AKNA: variants seen among roughly 807,000 people sequenced by gnomAD.
AKNA encodes microtubule organization protein AKNA.
A neutral mutation model predicts 138.8 loss-of-function variants in AKNA; 67 were observed. The ratio of observed to expected loss-of-function variants is 0.48; its 90% CI spans 0.40 to 0.59. AKNA has a LOEUF of 0.59. AKNA is among the 20% of genes least tolerant of loss of function. The pLI, the probability that AKNA is intolerant of heterozygous loss-of-function variation, is 0.00. For missense variants in AKNA, 1,813 were observed against 1,880.4 expected (o/e 0.96, Z 0.66); for synonymous variants, 737 against 754.4 (o/e 0.98, Z 0.38).
Position 114,381,112 on chromosome 9 carries a change from G to A in AKNA, c.222C>T (p.His74=). The A allele has an allele frequency of 6.2e-7, 1 of 1,611,056 alleles. No homozygotes were observed. The highest frequency in any genetic ancestry group is 8.5e-7 in the Non-Finnish European group (1 of 1,178,466). ...AATCCTGATGCCCATCGGGCTGCGGGTGTGGGTCCCACTCCAGGGGCGGCA... is the reference window on the plus strand; with the variant it reads ...AATCCTGATGCCCATCGGGCTGCGGATGTGGGTCCCACTCCAGGGGCGGCA... ...QHLPPLEWDP[H]PQPDGHQDSE... is the part of the protein sequence containing the mutation. The change falls in exon 2 of 22, where the codon CAC becomes CAT. Residue 74 remains histidine (H), a synonymous_variant. Coordinates refer to ENST00000374088, the MANE Select transcript of AKNA (RefSeq NM_001317950.2).
At position 114,346,886 on chromosome 9, in the gene AKNA, T is replaced by C. The variant is rs756154870; in HGVS notation, c.3399-102A>G. 209 of 969,630 alleles carry C rather than the reference T, an allele frequency of 2.2e-4. 1 individual carries two copies. Among genetic ancestry groups the C allele is most frequent in the Non-Finnish European group, 3.8e-5 (24 of 639,620 alleles). 60.1% of individuals were successfully genotyped at this position (969,630 alleles called of 1,614,324 possible). ...ACCTGGAGAAATGCTTCTAACACGA[T>C]GGAAGGAAGAGAGTATAGAAGTCAA... On this transcript the variant is annotated intron_variant, in intron 16 of 21. Coordinates refer to ENST00000374088, the MANE Select transcript of AKNA (RefSeq NM_001317950.2).
In AKNA at chr9:114,377,011, A is replaced by G; in HGVS notation, c.796T>C (p.Ser266Pro). ...RATPMEFQDS[S>P]APPAQSPQHA... is the part of the protein sequence containing the mutation. ...TGCGGACTCTGGGCTGGGGGAGCTG[A>G]GGAGTCCTGGAATTCCATGGGGGTT... The change falls in exon 3 of 22, where the codon TCA becomes CCA. Residue 266 changes from serine to proline, a missense_variant. Physicochemically the swap from Ser to Pro is moderately conservative, Grantham distance 74 (BLOSUM62 -1). Coordinates refer to ENST00000374088, the MANE Select transcript of AKNA (RefSeq NM_001317950.2). 6.2e-7 allele frequency: 1 copy of G among 1,613,932 alleles called. No individual in the cohort carries two copies.
At chr9:114,348,021 T>G in intron 15 of AKNA, 121 bp from the exon 16 acceptor site, 1 of 1,109,602 alleles carries the variant, frequency 9.0e-7, no homozygotes. Flanking sequence ...GGTCTATCTC[T>G]GCTGTCAAAC....
intron 20 of AKNA, 38 bp from the exon 21 acceptor site, chr9:114,341,763 AC>A: frequency 6.5e-7 from 1 of 1,528,746 alleles, no homozygotes; most frequent in Non-Finnish European, 8.8e-7. Context: ...ACAGAGTCTG[AC>A]CACTTGGCAG....
intron 4 of AKNA, among the ~76,000 whole-genome samples, chr9:114,371,419 TTATTAC>T (rs776729542): frequency 5.3e-5 from 8 of 152,262 alleles, no homozygotes; most frequent in Non-Finnish European, 8.8e-5. Context: ...ATGACCATTC[TTATTAC>T]TATAACAGTC....
intron 1 of AKNA, among the ~76,000 whole-genome samples, chr9:114,393,384 T>C (rs1834422215): frequency 1.1e-5 from 1 of 92,708 alleles, no homozygotes; most frequent in Non-Finnish European, 2.6e-5. Flanking sequence ...CCCAGCTAAT[T>C]TTTTTTTTTT....
chr9:114,354,660 C>G (rs1178235463), intron 14 of AKNA, among the ~76,000 whole-genome samples: 1 of 149,226 alleles, frequency 6.7e-6, no homozygotes, highest in African/African-American at 2.5e-5. Flanking sequence ...TTGCAGTGAG[C>G]CGAGATTGTG....
chr9:114,388,983 C>T (rs1254544655), upstream of AKNA, among the ~76,000 whole-genome samples: 1 of 152,058 alleles, frequency 6.6e-6, no homozygotes, highest in Non-Finnish European at 1.5e-5. Context: ...GGTGACTGGC[C>T]CTGGTAGAGA....
chr9:114,381,639 CCT>C (rs202125014), intron 1 of AKNA, among the ~76,000 whole-genome samples, 193 bp from the exon 2 acceptor site: 3 of 149,002 alleles, frequency 2.0e-5, no homozygotes, highest in South Asian at 4.2e-4. Context: ...GATAATAATT[CCT>C]CTCTCTCTCC....
intron 13 of AKNA, 116 bp from the exon 14 acceptor site, chr9:114,356,252 G>A: frequency 1.1e-6 from 1 of 929,454 alleles, no homozygotes; most frequent in South Asian, 1.7e-5. Flanking sequence ...TTGTAACTTT[G>A]CATCTCGGGT....
Position 114,337,043 on chromosome 9 carries a change from C to T in AKNA, c.*11G>A, listed in dbSNP as rs1356149024. 7.9e-7 allele frequency: 1 copy of T among 1,269,764 alleles called. No homozygotes were observed. The highest frequency in any genetic ancestry group is 1.6e-5 in the African/African-American group (1 of 63,826). The allele number at this position is 1,269,764 out of a possible 1,614,324, so 78.7% of individuals were successfully genotyped here. A position where few individuals can be genotyped will look rare whatever the true frequency, so the allele number is the denominator to read the frequency against. On this transcript the variant is annotated 3_prime_UTR_variant, in exon 22 of 22. Coordinates refer to ENST00000374088, the MANE Select transcript of AKNA (RefSeq NM_001317950.2). ...CCCACCCACCCATCTGCCTCTGGGCCCCCAGTGAAGTCAGAAGAGGCAGGA... is the reference window on the plus strand; with the variant it reads ...CCCACCCACCCATCTGCCTCTGGGCTCCCAGTGAAGTCAGAAGAGGCAGGA...
intron 1 of AKNA, among the ~76,000 whole-genome samples, chr9:114,382,335 A>G (rs1231452608): frequency 6.6e-6 from 1 of 152,186 alleles, no homozygotes. Context: ...TCACGCCTAT[A>G]ATCCCAGCAC....
intron 2 of AKNA, among the ~76,000 whole-genome samples, chr9:114,378,184 G>A (rs996270095): frequency 1.3e-5 from 2 of 152,088 alleles, no homozygotes; most frequent in African/African-American, 2.4e-5. Flanking sequence ...TGCACACAAC[G>A]CTCCTCCCAC....
At chr9:114,383,650 C>T (rs768892294) in intron 1 of AKNA, among the ~76,000 whole-genome samples, 5 of 152,218 alleles carry the variant, frequency 3.3e-5, no homozygotes, top group African/African-American at 4.8e-5. Context: ...GGCAGTATGA[C>T]TCCAGGCCTC....
chr9:114,378,225 G>C (rs562358929), intron 2 of AKNA, among the ~76,000 whole-genome samples: 1 of 152,158 alleles, frequency 6.6e-6, no homozygotes, highest in Admixed American at 6.5e-5. Flanking sequence ...GCATCCCTCT[G>C]CCGAGGGATT....
At chr9:114,352,622 G>A (rs957247561) in intron 14 of AKNA, among the ~76,000 whole-genome samples, 4 of 148,810 alleles carry the variant, frequency 2.7e-5, no homozygotes, top group African/African-American at 9.9e-5. Flanking sequence ...AATTAAAAAC[G>A]TTTTTAAAAT....
At chr9:114,370,746 AT>A (rs1373494146) in intron 4 of AKNA, among the ~76,000 whole-genome samples, 5 of 152,158 alleles carry the variant, frequency 3.3e-5, no homozygotes, top group Admixed American at 6.5e-5. Context: ...GCACAGATGG[AT>A]TTCTCTCAGC....
At chr9:114,366,878 G>A (rs909744911) in intron 6 of AKNA, among the ~76,000 whole-genome samples, 1 of 152,146 alleles carries the variant, frequency 6.6e-6, no homozygotes, top group Non-Finnish European at 1.5e-5. Flanking sequence ...AGCTAAATGT[G>A]TGACTCTAAT....
intron 5 of AKNA, 81 bp from the exon 6 acceptor site, chr9:114,367,778 A>G: frequency 6.9e-7 from 1 of 1,442,544 alleles, no homozygotes; most frequent in Non-Finnish European, 9.3e-7. Flanking sequence ...CGTCAAAGCC[A>G]CCACCTCCAT....
Sources: gnomAD v4.1 joint callset for allele counts (sites outside exome capture counted in the v4.1 genomes callset) on GRCh38, gnomAD v4.1.1 for gene constraint, MANE v1.5 for transcripts, NCBI Gene and HGNC (gene_info 2026-07-23, HGNC 2026-07-21) for gene names.